Variants in ENTREP2 observed in about 807,000 individuals in gnomAD.
ENTREP2 encodes endosomal transmembrane epsin interactor 2.
At chr15:29,119,768 A>G in the ENTREP2 span, among the ~76,000 whole-genome samples, 2 of 150,144 alleles carry the variant, frequency 1.3e-5, no homozygotes, top group South Asian at 2.1e-4. Flanking sequence ...TCCTTGGGGA[A>G]TGAAGAGAAA....
At chr15:29,300,139 A>C in the ENTREP2 span, among the ~76,000 whole-genome samples, 1 of 138,640 alleles carries the variant, frequency 7.2e-6, no homozygotes, top group South Asian at 2.5e-4. Flanking sequence ...GTAGGTGAGT[A>C]AATGGATGGA....
At chr15:29,467,702 T>C in the ENTREP2 span, among the ~76,000 whole-genome samples, 1 of 152,184 alleles carries the variant, frequency 6.6e-6, no homozygotes, top group South Asian at 2.1e-4. Flanking sequence ...CACGTTACTC[T>C]GAGGAAGTTG....
the ENTREP2 span, among the ~76,000 whole-genome samples, chr15:29,489,491 A>C: frequency 1.0e-5 from 1 of 97,186 alleles, no homozygotes. Flanking sequence ...GGCCACCTGA[A>C]CTTTGATTCT....
At chr15:29,556,371 C>T in the ENTREP2 span, among the ~76,000 whole-genome samples, 1 of 152,072 alleles carries the variant, frequency 6.6e-6, no homozygotes. Context: ...AAGAGTCAAT[C>T]CCCCTTTTCA....
the ENTREP2 span, among the ~76,000 whole-genome samples, chr15:29,248,239 AT>A: frequency 0.011 from 1,612 of 152,292 alleles, 35 homozygotes; most frequent in African/African-American, 0.037. Flanking sequence ...AGTTAACTAT[AT>A]TAAAAAAAAG....
the ENTREP2 span, among the ~76,000 whole-genome samples, chr15:29,662,211 C>CA: frequency 0.16 from 7,483 of 46,456 alleles, 618 homozygotes; most frequent in Non-Finnish European, 0.24. Context: ...AACCCTGTCG[C>CA]AAAAAAAAAA....
At chr15:29,403,534 C>A in the ENTREP2 span, among the ~76,000 whole-genome samples, 2 of 152,196 alleles carry the variant, frequency 1.3e-5, no homozygotes, top group Non-Finnish European at 1.5e-5. Context: ...AGCAAATTCA[C>A]AGACTCACAT....
At chr15:29,667,817 G>A in the ENTREP2 span, among the ~76,000 whole-genome samples, 102 of 152,142 alleles carry the variant, frequency 6.7e-4, no homozygotes, top group Middle Eastern at 3.4e-3. Flanking sequence ...ATGTTTTTGG[G>A]AGACACACTT....
At chr15:29,408,657 T>C in the ENTREP2 span, among the ~76,000 whole-genome samples, 2 of 152,348 alleles carry the variant, frequency 1.3e-5, no homozygotes, top group South Asian at 4.1e-4. Context: ...ATTTACTGTC[T>C]TCCCTATTTC....
the ENTREP2 span, among the ~76,000 whole-genome samples, chr15:29,621,522 CAAAAAAAAAAAAAA>C: frequency 6.4e-5 from 1 of 15,636 alleles, no homozygotes; most frequent in African/African-American, 3.2e-4. Context: ...GACTCTGTCT[CAAAAAAAAAAAAAA>C]AAAAAAAAAA....
the ENTREP2 span, among the ~76,000 whole-genome samples, chr15:29,196,212 T>C: frequency 6.6e-6 from 1 of 152,282 alleles, no homozygotes; most frequent in South Asian, 2.1e-4. Flanking sequence ...GGTAGGACAA[T>C]GAAATGGCAA....
the ENTREP2 span, among the ~76,000 whole-genome samples, chr15:29,244,577 CAT>C: frequency 6.6e-6 from 1 of 152,226 alleles, no homozygotes. Flanking sequence ...GTGGTCATCT[CAT>C]GTGCTGGGAA....
chr15:29,410,754 A>G, the ENTREP2 span, among the ~76,000 whole-genome samples: 2 of 152,214 alleles, frequency 1.3e-5, no homozygotes, highest in Admixed American at 6.5e-5. Flanking sequence ...TCACTGTGGT[A>G]TAACAACAGT....
the ENTREP2 span, among the ~76,000 whole-genome samples, chr15:29,312,298 T>C: frequency 3.3e-5 from 5 of 149,892 alleles, no homozygotes; most frequent in African/African-American, 1.0e-4. Flanking sequence ...TGTACTCACA[T>C]GTGGAAAAAC....
At chr15:29,128,934 G>C in the ENTREP2 span, 2 of 1,063,938 alleles carry the variant, frequency 1.9e-6, no homozygotes, top group Admixed American at 5.0e-5. Context: ...CTCCAGTAGT[G>C]TAGGCGCTTA....
the ENTREP2 span, among the ~76,000 whole-genome samples, chr15:29,370,013 G>A: frequency 2.0e-5 from 3 of 151,914 alleles, no homozygotes; most frequent in African/African-American, 4.8e-5. Flanking sequence ...ATCCCAGCCT[G>A]CAGAACCATG....
chr15:29,651,218 G>A, the ENTREP2 span, among the ~76,000 whole-genome samples: 1 of 152,188 alleles, frequency 6.6e-6, no homozygotes, highest in African/African-American at 2.4e-5. Context: ...GGCAGACCTA[G>A]CTAAATACTG....
chr15:29,361,304 A>G, the ENTREP2 span, among the ~76,000 whole-genome samples: 2 of 152,222 alleles, frequency 1.3e-5, no homozygotes, highest in East Asian at 3.9e-4. Flanking sequence ...CCCTTGTATT[A>G]TGCTACCCAA....
the ENTREP2 span, chr15:29,123,222 C>G: frequency 1.3e-5 from 15 of 1,128,976 alleles, no homozygotes; most frequent in East Asian, 5.2e-5. Flanking sequence ...GGGTGTCCCC[C>G]CCACATTTAT....
Sources: allele counts gnomAD v4.1 joint callset (sites outside exome capture counted in the v4.1 genomes callset), GRCh38; gene constraint gnomAD v4.1.1; transcripts MANE v1.5; gene names NCBI Gene and HGNC (gene_info 2026-07-23, HGNC 2026-07-21).